Variants in ADGRV1 observed in about 807,000 individuals in gnomAD.
ADGRV1 encodes the protein G-protein coupled receptor 98.
Under a neutral mutation model 596.2 loss-of-function variants are expected in ADGRV1, and 359 were observed. The ratio of observed to expected loss-of-function variants is 0.60; its 90% CI spans 0.55 to 0.66. ADGRV1 has a LOEUF of 0.66. Among genes scored for constraint, ADGRV1 ranks in the 30% least tolerant of loss-of-function variants. The pLI is 0.00. For synonymous variants in ADGRV1, 2,681 were observed against 2,679.2 expected (o/e 1.00, Z -0.02); for missense variants, 7,274 against 7,575.6 (o/e 0.96, Z 1.48).
intron 74 of ADGRV1, 111 bp from the exon 75 acceptor site, chr5:90,815,508 C>T: frequency 1.7e-6 from 1 of 585,880 alleles, no homozygotes; most frequent in Non-Finnish European, 3.0e-6. Flanking sequence ...CTCTCCTCAC[C>T]ACCTGTGAAT....
chr5:90,925,742 C>T (rs990789735), intron 83 of ADGRV1, among the ~76,000 whole-genome samples: 6 of 137,908 alleles, frequency 4.4e-5, no homozygotes, highest in African/African-American at 1.6e-4. Context: ...AGTTTTTGCC[C>T]ATTCAGTATG....
chr5:91,099,277 A>G (rs1198993122), intron 86 of ADGRV1, among the ~76,000 whole-genome samples: 2 of 152,070 alleles, frequency 1.3e-5, no homozygotes, highest in Non-Finnish European at 1.5e-5. Context: ...CAAAAAAAAA[A>G]AAAGTGTTCG....
At chr5:90,918,862 C>G (rs966956051) in intron 83 of ADGRV1, among the ~76,000 whole-genome samples, 1 of 152,170 alleles carries the variant, frequency 6.6e-6, no homozygotes, top group African/African-American at 2.4e-5. Flanking sequence ...AGGGGTCTTT[C>G]TCAATTCCTC....
chr5:90,855,175 A>T lies in ADGRV1; in HGVS notation c.17595-566A>T, dbSNP rs573204229. Reference sequence around the variant, plus strand: ...ATCAGATACAATGTTTGCTAAAATTATGACATGGTTTTTCTGCTAAATTAG... The same window carrying T: ...ATCAGATACAATGTTTGCTAAAATTTTGACATGGTTTTTCTGCTAAATTAG... On this transcript the variant is annotated intron_variant, in intron 81 of 89. Transcript: ENST00000405460. 3.3e-5 allele frequency among the ~76,000 whole-genome samples: 5 copies of T among 152,318 alleles called. No individual in the cohort carries two copies. In the East Asian group the frequency reaches 9.6e-4, roughly 29 times the overall value.
intron 77 of ADGRV1, among the ~76,000 whole-genome samples, chr5:90,830,675 T>A (rs1218569105): frequency 6.6e-6 from 1 of 152,190 alleles, no homozygotes; most frequent in Non-Finnish European, 1.5e-5. Context: ...GGGCACTTAT[T>A]TATGGAACAA....
rs904337537 is a variant in ADGRV1 at position 90,795,098 on chromosome 5, T to G, written c.14517+3752T>G. On this transcript the variant is annotated intron_variant, in intron 70 of 89. Transcript: ENST00000405460. The stretch of plus-strand genomic sequence containing the variant: ...TCTAGCTGCAGAAGTTTTTTTTTTT[T>G]TTTTTTTTTTTCCCTTACCTCAGTG... 1.3e-5 allele frequency among the ~76,000 whole-genome samples: 2 copies of G among 150,672 alleles called. No individual in the cohort carries two copies. The highest frequency in any genetic ancestry group is 4.9e-5 in the African/African-American group (2 of 40,984).
chr5:90,655,352 A>G (rs777495501), intron 20 of ADGRV1: 2 of 152,146 alleles, frequency 1.3e-5, no homozygotes, highest in African/African-American at 2.4e-5. Context: ...AAGTTCATCC[A>G]TATTTTTGCC....
intron 86 of ADGRV1, among the ~76,000 whole-genome samples, chr5:91,075,367 G>A (rs1788761965): frequency 6.6e-6 from 1 of 152,098 alleles, no homozygotes; most frequent in South Asian, 2.1e-4. Flanking sequence ...TAACATAGGG[G>A]CCTAACATAG....
intron 83 of ADGRV1, among the ~76,000 whole-genome samples, chr5:90,926,093 C>CT (rs1329531524): frequency 7.3e-6 from 1 of 137,648 alleles, no homozygotes; most frequent in East Asian, 2.2e-4. Flanking sequence ...CTAAAATTCT[C>CT]TTTTTTGGTT....
At position 90,766,145 on chromosome 5, in the gene ADGRV1, A is replaced by C. The variant is rs181370067; in HGVS notation, c.12285+2676A>C. Among the ~76,000 whole-genome samples, 805 of 152,060 alleles carry C rather than the reference A, an allele frequency of 5.3e-3. 1 individual carries two copies. Among genetic ancestry groups the C allele is most frequent in the Non-Finnish European group, 9.2e-3 (624 of 67,994 alleles). Reference sequence around the variant, plus strand: ...AGGATGGTCTTGATCTCCTGACCTCATGATCCGCCCGCCTTGGCCTCCCAA... The same window carrying C: ...AGGATGGTCTTGATCTCCTGACCTCCTGATCCGCCCGCCTTGGCCTCCCAA... On this transcript the variant is annotated intron_variant, in intron 59 of 89. Coordinates refer to ENST00000405460, the MANE Select transcript of ADGRV1 (RefSeq NM_032119.4).
At chr5:90,744,405 C>T (rs190401301) in intron 50 of ADGRV1, among the ~76,000 whole-genome samples, 144 of 152,190 alleles carry the variant, frequency 9.5e-4, no homozygotes, top group African/African-American at 3.4e-3. Flanking sequence ...AAGAATTTAT[C>T]AAGTGAAGAT....
intron 85 of ADGRV1, among the ~76,000 whole-genome samples, chr5:91,018,600 G>A (rs1404990820): frequency 4.6e-5 from 7 of 151,854 alleles, no homozygotes; most frequent in Admixed American, 1.3e-4. Flanking sequence ...CAGCTAAAGG[G>A]GAAAATGCAA....
chr5:91,106,662 G>A (rs1791902592), intron 87 of ADGRV1, among the ~76,000 whole-genome samples: 1 of 152,196 alleles, frequency 6.6e-6, no homozygotes, highest in Non-Finnish European at 1.5e-5. Context: ...AAGGTAAAGT[G>A]TGACAGAGGA....
At chr5:91,055,646 T>A (rs2662284) in intron 85 of ADGRV1, among the ~76,000 whole-genome samples, 89,507 of 152,042 alleles carry the variant, frequency 0.59, 27,056 homozygotes, top group South Asian at 0.68. Flanking sequence ...ATCGGTAAGC[T>A]CTTCACTTTC....
rs779030819 is a variant in ADGRV1 at position 90,629,170 on chromosome 5, C to T, written c.1510-40C>T. ...ATACAGAGTTTGATCATCTCAGATG[C>T]GAGAATTCTGTACTTTAATATTTTA... On this transcript the variant is annotated intron_variant, in intron 8 of 89. Coordinates refer to ENST00000405460, the MANE Select transcript of ADGRV1 (RefSeq NM_032119.4). 65 of 1,167,798 alleles carry T rather than the reference C, an allele frequency of 5.6e-5. No individual in the cohort carries two copies. The South Asian group carries it at 6.1e-4, about 11-fold the overall frequency. The allele number at this position is 1,167,798 out of a possible 1,614,324, so 72.3% of individuals were successfully genotyped here. A position where few individuals can be genotyped will look rare whatever the true frequency, so the allele number is the denominator to read the frequency against.
intron 1 of ADGRV1, among the ~76,000 whole-genome samples, chr5:90,590,723 C>T (rs1759376426): frequency 6.6e-6 from 1 of 152,142 alleles, no homozygotes; most frequent in East Asian, 1.9e-4. Context: ...TACCTGTAAT[C>T]TATTAAAAGT....
chr5:91,050,463 G>A (rs1461330509), intron 85 of ADGRV1, among the ~76,000 whole-genome samples: 1 of 152,080 alleles, frequency 6.6e-6, no homozygotes, highest in Non-Finnish European at 1.5e-5. Context: ...TCAATATCAG[G>A]TATAGTATGT....
intron 83 of ADGRV1, among the ~76,000 whole-genome samples, chr5:90,880,177 A>G (rs1430693174): frequency 6.6e-6 from 1 of 152,126 alleles, no homozygotes; most frequent in Non-Finnish European, 1.5e-5. Context: ...AAATAAACTT[A>G]AATCTGCTCA....
At chr5:90,864,896 A>C (rs1211974264) in intron 83 of ADGRV1, among the ~76,000 whole-genome samples, 1 of 152,134 alleles carries the variant, frequency 6.6e-6, no homozygotes, top group Non-Finnish European at 1.5e-5. Flanking sequence ...ATTTGTGTGT[A>C]TTTATTGTGC....
Sources: gnomAD v4.1 joint callset for allele counts (sites outside exome capture counted in the v4.1 genomes callset) on GRCh38, gnomAD v4.1.1 for gene constraint, MANE v1.5 for transcripts, NCBI Gene and HGNC (gene_info 2026-07-23, HGNC 2026-07-21) for gene names.